The following NRCAM variants were observed in gnomAD, a reference collection of about 807,000 sequenced individuals.
The protein encoded by NRCAM is neuronal cell adhesion molecule, also known as NgCAM-related cell adhesion molecule.
A neutral mutation model predicts 156.5 loss-of-function variants in NRCAM; 83 were observed. The ratio of observed to expected loss-of-function variants is 0.53; its 90% CI spans 0.44 to 0.64. The LOEUF (loss-of-function observed/expected upper bound fraction) is 0.64. Ranked by LOEUF, NRCAM falls within the 30% of genes least tolerant of loss-of-function variation. The pLI is 0.00. For missense variants in NRCAM, 1,417 were observed against 1,597.3 expected, an observed-to-expected ratio of 0.89 and a Z score of 1.92; for synonymous variants, 538 against 563.9, an observed-to-expected ratio of 0.95 and a Z score of 0.65.
intron 11 of NRCAM, among the ~76,000 whole-genome samples, chr7:108,221,207 G>T (rs2092138818): frequency 6.6e-6 from 1 of 152,148 alleles, no homozygotes; most frequent in Non-Finnish European, 1.5e-5. Context: ...AGTAGATGTT[G>T]GCATGGATGC....
At chr7:108,303,191 A>G (rs1279695970) in intron 3 of NRCAM, among the ~76,000 whole-genome samples, 1 of 151,952 alleles carries the variant, frequency 6.6e-6, no homozygotes, top group African/African-American at 2.4e-5. Context: ...TGAACTCCTG[A>G]CCTCAAGTGA....
Position 108,239,915 on chromosome 7 carries a change from G to C in NRCAM, c.106+44C>G, listed in dbSNP as rs188398213. On this transcript the variant is annotated intron_variant, in intron 4 of 32. Transcript: ENST00000379028. Reference sequence around the variant, plus strand: ...TCAGAGTGATGATAAATGCTGGGAGGCTTTGACTCCTGGGCCTAACAGCTT... The same window carrying C: ...TCAGAGTGATGATAAATGCTGGGAGCCTTTGACTCCTGGGCCTAACAGCTT... The C allele has an allele frequency of 3.3e-5, 40 of 1,199,228 alleles. No homozygotes were observed. The East Asian group carries it at 9.2e-4, about 27-fold the overall frequency. 74.3% of individuals were successfully genotyped at this position (1,199,228 alleles called of 1,614,324 possible).
chr7:108,251,212 A>T (rs559690576), intron 3 of NRCAM, among the ~76,000 whole-genome samples: 1 of 152,204 alleles, frequency 6.6e-6, no homozygotes, highest in Non-Finnish European at 1.5e-5. Flanking sequence ...AAAAAGTGAG[A>T]TAAGGAGGAC....
At chr7:108,421,871 T>C (rs984227089) in intron 1 of NRCAM, among the ~76,000 whole-genome samples, 11 of 152,226 alleles carry the variant, frequency 7.2e-5, no homozygotes, top group Admixed American at 7.2e-4. Flanking sequence ...TGACCTGCCC[T>C]GTGGAGATTA....
At chr7:108,235,617 A>G (rs1182660481) in intron 5 of NRCAM, among the ~76,000 whole-genome samples, 1 of 152,158 alleles carries the variant, frequency 6.6e-6, no homozygotes, top group Admixed American at 6.5e-5. Flanking sequence ...GCACAACTCC[A>G]TGGAGAGCTG....
At chr7:108,174,210 C>T (rs1356103870) in intron 28 of NRCAM, among the ~76,000 whole-genome samples, 3 of 152,170 alleles carry the variant, frequency 2.0e-5, no homozygotes, top group African/African-American at 7.2e-5. Flanking sequence ...TCTAAAAACA[C>T]AAATATAATA....
chr7:108,304,964 G>T (rs1221573481), intron 3 of NRCAM, among the ~76,000 whole-genome samples: 1 of 152,112 alleles, frequency 6.6e-6, no homozygotes, highest in African/African-American at 2.4e-5. Context: ...CTTGGAGATT[G>T]ATCTACAGAA....
chr7:108,211,354 TAACA>T (rs1288639840), intron 11 of NRCAM, among the ~76,000 whole-genome samples: 2 of 152,232 alleles, frequency 1.3e-5, no homozygotes, highest in East Asian at 3.9e-4. Context: ...CTGAACTTTA[TAACA>T]ATTTGAACCA....
intron 1 of NRCAM, among the ~76,000 whole-genome samples, chr7:108,427,778 T>C (rs1597618664): frequency 6.6e-6 from 1 of 150,886 alleles, no homozygotes; most frequent in Admixed American, 6.6e-5. Flanking sequence ...CAAACAAAAG[T>C]GATTGTTTTA....
chr7:108,336,325 CAGA>C (rs1361897473), intron 2 of NRCAM, among the ~76,000 whole-genome samples: 2 of 152,032 alleles, frequency 1.3e-5, no homozygotes, highest in African/African-American at 4.8e-5. Flanking sequence ...TGTATGCACC[CAGA>C]AGAATGGACG....
At chr7:108,346,334 G>A (rs534370767) in intron 2 of NRCAM, among the ~76,000 whole-genome samples, 2 of 152,256 alleles carry the variant, frequency 1.3e-5, no homozygotes, top group South Asian at 4.1e-4. Flanking sequence ...GATTTCCAGG[G>A]CTCTTTTTCC....
At chr7:108,219,725 C>G (rs187888690) in intron 11 of NRCAM, among the ~76,000 whole-genome samples, 59 of 152,202 alleles carry the variant, frequency 3.9e-4, no homozygotes, top group East Asian at 2.1e-3. Flanking sequence ...CCATCTATGT[C>G]AAACCCACAG....
intron 3 of NRCAM, among the ~76,000 whole-genome samples, chr7:108,290,943 A>T (rs1281790816): frequency 2.0e-5 from 3 of 152,188 alleles, no homozygotes; most frequent in African/African-American, 7.2e-5. Flanking sequence ...CTGCTGCCAG[A>T]TAAACAGCAT....
intron 19 of NRCAM, among the ~76,000 whole-genome samples, 175 bp downstream of exon 19, chr7:108,191,079 T>C (rs1484959323): frequency 6.6e-6 from 1 of 152,170 alleles, no homozygotes; most frequent in East Asian, 1.9e-4. Flanking sequence ...AAATCTGTGG[T>C]TATGATGAAG....
chr7:108,315,754 C>T (rs537415877), intron 2 of NRCAM, among the ~76,000 whole-genome samples: 10 of 152,306 alleles, frequency 6.6e-5, no homozygotes, highest in Admixed American at 2.0e-4. Flanking sequence ...GGGATCCATT[C>T]GAGCAAGAAA....
chr7:108,257,336 G>A (rs2096722532), intron 3 of NRCAM, among the ~76,000 whole-genome samples: 1 of 152,128 alleles, frequency 6.6e-6, no homozygotes, highest in Admixed American at 6.5e-5. Flanking sequence ...AGATTTTGTG[G>A]TATATAAGTT....
chr7:108,340,909 T>C (rs1411783623), intron 2 of NRCAM, among the ~76,000 whole-genome samples: 1 of 152,100 alleles, frequency 6.6e-6, no homozygotes, highest in Admixed American at 6.5e-5. Context: ...CTTGGCAACC[T>C]TGGTTTTTCA....
In NRCAM at chr7:108,314,318, C is replaced by T. The variant is rs573503195; in HGVS notation, c.-173-1587G>A. 2.1e-4 allele frequency among the ~76,000 whole-genome samples: 32 copies of T among 152,208 alleles called. No homozygotes were observed. The South Asian group carries it at 6.2e-3, about 30-fold the overall frequency. On this transcript the variant is annotated intron_variant, in intron 2 of 32. Coordinates refer to ENST00000379028, the MANE Select transcript of NRCAM (RefSeq NM_001037132.4). ...CTTGTTTTGACAAATGTGTCAATGGCCTTTCATTACCCCAAAACACATTTA... is the reference window on the plus strand; with the variant it reads ...CTTGTTTTGACAAATGTGTCAATGGTCTTTCATTACCCCAAAACACATTTA...
chr7:108,419,294 C>A (rs1038028059), intron 1 of NRCAM, among the ~76,000 whole-genome samples: 1 of 152,122 alleles, frequency 6.6e-6, no homozygotes, highest in African/African-American at 2.4e-5. Context: ...TCTTCGTTAC[C>A]CTGACCAGCT....
Sources: gnomAD v4.1 joint callset for allele counts (sites outside exome capture counted in the v4.1 genomes callset) on GRCh38, gnomAD v4.1.1 for gene constraint, MANE v1.5 for transcripts, NCBI Gene and HGNC (gene_info 2026-07-23, HGNC 2026-07-21) for gene names.